Variants in KCNK2 observed in about 807,000 individuals in gnomAD.
KCNK2 encodes the protein potassium channel subfamily K member 2.
KCNK2 carries 21 observed loss-of-function variants against 40.5 expected under a neutral mutation model. That is an observed-to-expected ratio of 0.52 (90% CI 0.37 to 0.75). The LOEUF (loss-of-function observed/expected upper bound fraction) is 0.75. Ranked by LOEUF, KCNK2 falls within the 30% of genes least tolerant of loss-of-function variation. The probability of loss-of-function intolerance (pLI) is 0.00; values close to 1 mark genes in which losing one functional copy is unlikely to be tolerated. For missense variants in KCNK2, 399 were observed against 531.6 expected (o/e 0.75, Z 2.45); for synonymous variants, 191 against 202.2 (o/e 0.94, Z 0.47).
chr1:215,100,974 A>AT (rs1279286265), intron 2 of KCNK2, among the ~76,000 whole-genome samples: 1 of 151,994 alleles, frequency 6.6e-6, no homozygotes, highest in Non-Finnish European at 1.5e-5. Flanking sequence ...ACTTAGAAAC[A>AT]TTTTTGCATT....
At chr1:215,151,481 CA>C (rs1662682334) in intron 3 of KCNK2, among the ~76,000 whole-genome samples, 2 of 152,068 alleles carry the variant, frequency 1.3e-5, no homozygotes, top group South Asian at 2.1e-4. Flanking sequence ...ATCTTGATAT[CA>C]TGTAAGGCAA....
chr1:215,057,126 T>G (rs545622959), intron 1 of KCNK2, among the ~76,000 whole-genome samples: 1 of 152,264 alleles, frequency 6.6e-6, no homozygotes, highest in South Asian at 2.1e-4. Flanking sequence ...CTAGCTATAT[T>G]CATTGTGTTG....
intron 1 of KCNK2, among the ~76,000 whole-genome samples, chr1:215,024,057 G>T (rs1007486866): frequency 6.6e-6 from 1 of 152,106 alleles, no homozygotes; most frequent in African/African-American, 2.4e-5. Context: ...AAGGAAACAT[G>T]GTCCTTTATG....
At chr1:215,185,455 G>A (rs1371538240) in intron 5 of KCNK2, among the ~76,000 whole-genome samples, 1 of 152,098 alleles carries the variant, frequency 6.6e-6, no homozygotes, top group African/African-American at 2.4e-5. Flanking sequence ...CTTTGCAAGA[G>A]TCTTTGGAAA....
intron 3 of KCNK2, among the ~76,000 whole-genome samples, chr1:215,139,090 A>G (rs1234870947): frequency 2.6e-5 from 4 of 152,236 alleles, no homozygotes; most frequent in African/African-American, 9.6e-5. Context: ...AGGAGTGTCT[A>G]TACATCATTA....
chr1:215,074,322 T>C (rs1052327393), intron 1 of KCNK2, among the ~76,000 whole-genome samples: 1 of 152,192 alleles, frequency 6.6e-6, no homozygotes, highest in African/African-American at 2.4e-5. Context: ...AGAATTAGAT[T>C]CCATATATAT....
At chr1:215,231,737 A>G (rs923989537) in intron 6 of KCNK2, among the ~76,000 whole-genome samples, 1 of 152,226 alleles carries the variant, frequency 6.6e-6, no homozygotes, top group Non-Finnish European at 1.5e-5. Flanking sequence ...TAGTAAAGAC[A>G]TACCTGAGAC....
intron 1 of KCNK2, among the ~76,000 whole-genome samples, chr1:215,008,071 G>A (rs887092773): frequency 1.3e-5 from 2 of 151,346 alleles, no homozygotes; most frequent in African/African-American, 4.9e-5. Context: ...CAAAATTCTG[G>A]GACCTTGACC....
At chr1:215,110,598 T>C (rs2102562241) in intron 2 of KCNK2, among the ~76,000 whole-genome samples, 1 of 152,272 alleles carries the variant, frequency 6.6e-6, no homozygotes, top group East Asian at 1.9e-4. Context: ...CAGCATCACA[T>C]GGTTTCGACA....
chr1:215,050,461 A>G (rs1657946999), intron 1 of KCNK2, among the ~76,000 whole-genome samples: 1 of 152,216 alleles, frequency 6.6e-6, no homozygotes, highest in South Asian at 2.1e-4. Flanking sequence ...TGATGGGGAC[A>G]GTACAATAAA....
Position 215,083,407 on chromosome 1 carries a change from G to T in KCNK2, c.22G>T (p.Glu8Ter), listed in dbSNP as rs765168645. ...CCTCATGCTTCCCAGCGCCTCGCGG[G>T]AGAGACCCGGCTATAGAGCAGGAGG... MLPSASR[E>*]RPGYRAGVAA... The change falls in exon 1 of 7, where the codon GAG (glutamate) becomes TAG (stop). Residue 8 changes from glutamate (E) to a stop codon, truncating the protein, a stop_gained. Coordinates refer to ENST00000444842, the MANE Select transcript of KCNK2 (RefSeq NM_001017425.3). LOFTEE classifies it high-confidence loss of function. 5.0e-6 allele frequency: 8 copies of T among 1,614,016 alleles called. No homozygotes were observed. The highest frequency in any genetic ancestry group is 6.8e-6 in the Non-Finnish European group (8 of 1,179,980).
At chr1:215,173,310 T>C (rs1663807013) in intron 5 of KCNK2, among the ~76,000 whole-genome samples, 3 of 152,222 alleles carry the variant, frequency 2.0e-5, no homozygotes, top group South Asian at 4.1e-4. Context: ...CATCCTCTTT[T>C]ATGGCTGCAT....
rs151265050 is a variant in KCNK2 at position 215,138,722 on chromosome 1, GA to G, written c.475+13973del. ...TATGAGTTTATGATAATAGAAAGGA[GA>G]TTGTTATGATAAAGCCACTCTTGAT... On this transcript the variant is annotated intron_variant, in intron 3 of 6. Transcript: ENST00000444842. Among the ~76,000 whole-genome samples the G allele has an allele frequency of 4.7e-4, 71 of 152,282 alleles. 2 individuals carry two copies. The East Asian group carries it at 0.014, about 29-fold the overall frequency.
At chr1:215,133,435 C>T (rs1571649653) in intron 3 of KCNK2, among the ~76,000 whole-genome samples, 1 of 152,090 alleles carries the variant, frequency 6.6e-6, no homozygotes, top group Admixed American at 6.6e-5. Context: ...TTTTGCAGAG[C>T]ATCTGACTGA....
intron 6 of KCNK2, among the ~76,000 whole-genome samples, chr1:215,209,287 T>A (rs1307766221): frequency 2.9e-5 from 3 of 104,910 alleles, no homozygotes; most frequent in Admixed American, 1.5e-4. Flanking sequence ...TACACATATT[T>A]TATATATAAT....
rs140608459 is a variant in KCNK2, at chr1:215,187,539, T to TAA, written c.824-7405_824-7404dup. Among the ~76,000 whole-genome samples, 106 of 149,372 alleles carry TAA rather than the reference T, an allele frequency of 7.1e-4. 1 individual carries two copies. The highest frequency in any genetic ancestry group is 2.4e-3 in the African/African-American group (97 of 40,868). On this transcript the variant is annotated intron_variant, in intron 5 of 6. Coordinates refer to ENST00000444842, the MANE Select transcript of KCNK2 (RefSeq NM_001017425.3). ...TCTTCTTTTACAAAGGTCCAAGACT[T>TAA]AAAAAAAAAACACATAAAGTGTTAG...
intron 3 of KCNK2, among the ~76,000 whole-genome samples, chr1:215,156,242 G>C (rs1254420879): frequency 6.6e-6 from 1 of 152,170 alleles, no homozygotes; most frequent in African/African-American, 2.4e-5. Context: ...ATTAAGTTCT[G>C]ATCATAAAAA....
chr1:215,227,394 A>C (rs1417189980), intron 6 of KCNK2, among the ~76,000 whole-genome samples: 1 of 152,204 alleles, frequency 6.6e-6, no homozygotes, highest in African/African-American at 2.4e-5. Context: ...GATGAGAGAA[A>C]AACAGGTAAT....
At chr1:215,121,759 A>C (rs1333486587) in intron 2 of KCNK2, among the ~76,000 whole-genome samples, 1 of 152,232 alleles carries the variant, frequency 6.6e-6, no homozygotes, top group African/African-American at 2.4e-5. Context: ...AGATATTAAA[A>C]GAGATTTATA....
Sources: gnomAD v4.1 joint callset for allele counts (sites outside exome capture counted in the v4.1 genomes callset) on GRCh38, gnomAD v4.1.1 for gene constraint, MANE v1.5 for transcripts, NCBI Gene and HGNC (gene_info 2026-07-23, HGNC 2026-07-21) for gene names.